Variants in HFM1 observed in about 807,000 individuals in gnomAD.
The protein encoded by HFM1 is probable ATP-dependent DNA helicase HFM1.
In HFM1, 169 loss-of-function variants were observed where a neutral mutation model predicts 192.1. The observed-to-expected ratio is 0.88, with a 90% CI of 0.78 to 1.00. The LOEUF (loss-of-function observed/expected upper bound fraction) is 1.00, where lower values mean the gene tolerates loss of function less well. Among genes scored for constraint, HFM1 ranks in the 50% least tolerant of loss-of-function variants. The pLI is 0.00. For missense variants in HFM1, 1,661 were observed against 1,668.0 expected, an observed-to-expected ratio of 1.00 and a Z score of 0.07; for synonymous variants, 525 against 537.8, an observed-to-expected ratio of 0.98 and a Z score of 0.33.
At chr1:91,270,574 TAAAAAAA>T (rs55948138) in intron 34 of HFM1, among the ~76,000 whole-genome samples, 2 of 102,992 alleles carry the variant, frequency 1.9e-5, no homozygotes, top group South Asian at 2.9e-4. Flanking sequence ...GTGAGAAGAA[TAAAAAAA>T]AAAAAAAGAA....
At position 91,313,416 on chromosome 1, in the gene HFM1, T is replaced by C; in HGVS notation, c.3324A>G (p.Arg1108=). The change falls in exon 30 of 39, where the codon AGA becomes AGG. Residue 1108 remains arginine, a synonymous_variant. Coordinates refer to ENST00000370425, the MANE Select transcript of HFM1 (RefSeq NM_001017975.6). The part of the protein sequence containing the change: ...KRFGNQITMQ[R]KSETQISHSK... Reference sequence around the variant, plus strand: ...AATGGGAAATCTGTGTTTCAGATTTTCTTTGCATAGTGATTTGATTTCCAA... The same window carrying C: ...AATGGGAAATCTGTGTTTCAGATTTCCTTTGCATAGTGATTTGATTTCCAA... 1 of 1,600,214 alleles carries C rather than the reference T, an allele frequency of 6.2e-7. No homozygotes were observed. Among genetic ancestry groups the C allele is most frequent in the Non-Finnish European group, 8.6e-7 (1 of 1,169,386 alleles).
chr1:91,384,832 C>T (rs1661982113), intron 6 of HFM1, among the ~76,000 whole-genome samples: 1 of 151,628 alleles, frequency 6.6e-6, no homozygotes. Flanking sequence ...CAACCTCTGC[C>T]TCCCAGGTTC....
intron 22 of HFM1, 28 bp from the exon 23 acceptor site, chr1:91,323,025 TTTATTATTA>T: frequency 7.5e-7 from 1 of 1,327,494 alleles, no homozygotes; most frequent in African/African-American, 1.5e-5. Context: ...TGGCAAAACA[TTTATTATTA>T]TTTATTTTAA....
chr1:91,281,050 C>G (rs761248810), intron 30 of HFM1, among the ~76,000 whole-genome samples: 13 of 152,240 alleles, frequency 8.5e-5, no homozygotes, highest in Non-Finnish European at 1.5e-4. Context: ...AGAGGGGGCA[C>G]AATCAGATCT....
chr1:91,326,683 C>T (rs1293148866), intron 20 of HFM1, among the ~76,000 whole-genome samples: 4 of 152,194 alleles, frequency 2.6e-5, no homozygotes, highest in East Asian at 3.8e-4. Flanking sequence ...AAGTACAAAA[C>T]TCACTGGTTA....
chr1:91,345,919 T>A (rs973904578), intron 19 of HFM1, among the ~76,000 whole-genome samples: 1 of 152,204 alleles, frequency 6.6e-6, no homozygotes, highest in East Asian at 1.9e-4. Flanking sequence ...TCCAGTCATG[T>A]TTCTCAACAA....
At chr1:91,386,699 C>T (rs542122861) in intron 4 of HFM1, among the ~76,000 whole-genome samples, 13 of 150,488 alleles carry the variant, frequency 8.6e-5, no homozygotes, top group African/African-American at 2.9e-4. Context: ...AATTTCATAA[C>T]ACCTAATAGT....
intron 30 of HFM1, among the ~76,000 whole-genome samples, chr1:91,283,380 A>T (rs1667636818): frequency 6.6e-6 from 1 of 152,122 alleles, no homozygotes; most frequent in Non-Finnish European, 1.5e-5. Context: ...AGTAGCTGGG[A>T]CTACAGGCAT....
rs141556679 is a variant in HFM1, at chr1:91,265,387, T to C, written c.3974+630A>G. 4.4e-4 allele frequency among the ~76,000 whole-genome samples: 67 copies of C among 152,338 alleles called. No individual in the cohort carries two copies. In the East Asian group the frequency reaches 0.012, roughly 28 times the overall value. ...TTTCTTGAAAAGTCAGAATATTTTA[T>C]AACACTAGACTCACATTGCCTGCAC... On this transcript the variant is annotated intron_variant, in intron 36 of 38. Coordinates refer to ENST00000370425, the MANE Select transcript of HFM1 (RefSeq NM_001017975.6).
chr1:91,328,919 A>G, intron 20 of HFM1: 2 of 1,611,506 alleles, frequency 1.2e-6, no homozygotes, highest in South Asian at 2.2e-5. Context: ...TACCGAGGAC[A>G]TGGACTGCTT....
chr1:91,307,719 G>A lies in HFM1; in HGVS notation c.3391+5630C>T, dbSNP rs147844888. ...TCTGCCCATCTTGGCCTCCCAAAGT[G>A]CTGGGATTATAGGCATGAGCCACTA... is the stretch of plus-strand genomic sequence containing the variant. On this transcript the variant is annotated intron_variant, in intron 30 of 38. Transcript: ENST00000370425. Among the ~76,000 whole-genome samples the A allele has an allele frequency of 4.1e-3, 630 of 152,268 alleles. 4 individuals carry two copies. Among genetic ancestry groups the A allele is most frequent in the Admixed American group, 7.5e-3 (115 of 15,298 alleles).
At chr1:91,275,946 A>C (rs1004957380) in intron 32 of HFM1, among the ~76,000 whole-genome samples, 1 of 152,166 alleles carries the variant, frequency 6.6e-6, no homozygotes, top group African/African-American at 2.4e-5. Flanking sequence ...TTAAAATAGC[A>C]AAAAGGTCTG....
rs771694233 is a variant in HFM1, at chr1:91,379,075, A to C, written c.1146T>G (p.Ile382Met). 1 of 1,567,562 alleles carries C rather than the reference A, an allele frequency of 6.4e-7. No homozygotes were observed. The highest frequency in any genetic ancestry group is 8.6e-7 in the Non-Finnish European group (1 of 1,156,886). The change falls in exon 9 of 39, where the codon ATT becomes ATG. Residue 382 changes from isoleucine (I) to methionine (M), a missense_variant. Coordinates refer to ENST00000370425, the MANE Select transcript of HFM1 (RefSeq NM_001017975.6). ...AAATAATACCTACTGGAGTTGTCAT[A>C]ATAATATGGGCATGCTGAATCTCAA... ...DLFEIQHAHI[I>M]MTTPEKWDSM...
intron 38 of HFM1, 144 bp downstream of exon 38, chr1:91,262,097 C>G: frequency 2.2e-6 from 1 of 445,712 alleles, no homozygotes; most frequent in Non-Finnish European, 4.0e-6. Context: ...GCTTAGCTCA[C>G]TGAGGTTTGA....
At position 91,375,539 on chromosome 1, in the gene HFM1, T is replaced by A; in HGVS notation, c.1584A>T (p.Lys528Asn). 1 of 1,613,060 alleles carries A rather than the reference T, an allele frequency of 6.2e-7. No homozygotes were observed. Among genetic ancestry groups the A allele is most frequent in the Non-Finnish European group, 8.5e-7 (1 of 1,179,294 alleles). The change falls in exon 12 of 39, where the codon AAA (lysine) becomes AAT (asparagine). Residue 528 changes from lysine (K) to asparagine (N), a missense_variant. Coordinates refer to ENST00000370425, the MANE Select transcript of HFM1 (RefSeq NM_001017975.6). Reference protein sequence around the residue: ...ASVIQMYSDQKPTLVFCATRK... With the variant: ...ASVIQMYSDQNPTLVFCATRK... Reference sequence around the variant, plus strand: ...CAACAATCCATACCACAAGTGTGGGTTTCTGATCAGAGTACATTTGTATAA... The same window carrying A: ...CAACAATCCATACCACAAGTGTGGGATTCTGATCAGAGTACATTTGTATAA...
At chr1:91,286,521 G>A (rs1041630431) in intron 30 of HFM1, among the ~76,000 whole-genome samples, 22 of 152,230 alleles carry the variant, frequency 1.4e-4, no homozygotes, top group Non-Finnish European at 3.1e-4. Context: ...CTTGGTGTCT[G>A]TGTCTTTTTG....
intron 13 of HFM1, among the ~76,000 whole-genome samples, chr1:91,368,428 G>A (rs535595583): frequency 1.3e-5 from 2 of 152,310 alleles, no homozygotes; most frequent in Middle Eastern, 6.8e-3. Flanking sequence ...CCAGAAGAGA[G>A]TGGGGGCAAA....
intron 17 of HFM1, among the ~76,000 whole-genome samples, chr1:91,351,237 A>C (rs1656896849): frequency 6.6e-6 from 1 of 151,920 alleles, no homozygotes; most frequent in Admixed American, 6.6e-5. Flanking sequence ...ACAAATTAGT[A>C]ATTATAAATT....
intron 20 of HFM1, among the ~76,000 whole-genome samples, chr1:91,337,047 G>A (rs281951): frequency 1 from 152,141 of 152,330 alleles, 75,976 homozygotes; most frequent in East Asian, 1. Context: ...ACGTGGACGC[G>A]TTGTGGGGAA....
Sources: allele counts gnomAD v4.1 joint callset (sites outside exome capture counted in the v4.1 genomes callset), GRCh38; gene constraint gnomAD v4.1.1; transcripts MANE v1.5; gene names NCBI Gene and HGNC (gene_info 2026-07-23, HGNC 2026-07-21).